NAA40: variants seen among roughly 807,000 people sequenced by gnomAD.
NAA40 encodes the protein N-alpha-acetyltransferase 40.
NAA40 carries 26 observed loss-of-function variants against 36.6 expected under a neutral mutation model. The ratio of observed to expected loss-of-function variants is 0.71; its 90% CI spans 0.52 to 0.98. The LOEUF (loss-of-function observed/expected upper bound fraction) is 0.98. NAA40 is among the 50% of genes least tolerant of loss of function. The pLI, the probability that NAA40 is intolerant of heterozygous loss-of-function variation, is 0.00. For missense variants in NAA40, 237 were observed against 306.5 expected (o/e 0.77, Z 1.69); for synonymous variants, 129 against 108.4 (o/e 1.19, Z -1.18).
At position 63,955,923 on chromosome 11, in the gene NAA40, G is replaced by C. The variant is rs922814431; in HGVS notation, c.*1444G>C. 6.6e-6 allele frequency: 1 copy of C among 152,356 alleles called. No homozygotes were observed. Among genetic ancestry groups the C allele is most frequent in the Non-Finnish European group, 1.5e-5 (1 of 68,116 alleles). The allele number at this position is 152,356 out of a possible 1,614,324, so 9.4% of individuals were successfully genotyped here. A position where few individuals can be genotyped will look rare whatever the true frequency, so the allele number is the denominator to read the frequency against. On this transcript the variant is annotated 3_prime_UTR_variant, in exon 8 of 8. Transcript: ENST00000377793. Reference sequence around the variant, plus strand: ...TAGCCTTCGTGAAGTTGTTCTCGTGGAGGTCTGTTGGTCCCTCTGACCTCA... The same window carrying C: ...TAGCCTTCGTGAAGTTGTTCTCGTGCAGGTCTGTTGGTCCCTCTGACCTCA...
intron 1 of NAA40, chr11:63,939,438 T>G: frequency 9.2e-7 from 1 of 1,090,996 alleles, no homozygotes; most frequent in Non-Finnish European, 1.1e-6. Flanking sequence ...GGGTCACTCA[T>G]CACCTGGCTG....
intron 3 of NAA40, among the ~76,000 whole-genome samples, chr11:63,947,331 C>CG (rs1942204336): frequency 6.6e-6 from 1 of 151,846 alleles, no homozygotes; most frequent in Non-Finnish European, 1.5e-5. Context: ...CACTTGAACC[C>CG]GGGGGGCAGA....
intron 3 of NAA40, among the ~76,000 whole-genome samples, chr11:63,950,782 G>A (rs775114161): frequency 3.3e-5 from 5 of 152,140 alleles, no homozygotes; most frequent in African/African-American, 4.8e-5. Flanking sequence ...TTCATATTCC[G>A]TATTCCCATT....
At chr11:63,948,013 C>T (rs904441496) in intron 3 of NAA40, among the ~76,000 whole-genome samples, 1 of 151,826 alleles carries the variant, frequency 6.6e-6, no homozygotes, top group African/African-American at 2.4e-5. Context: ...AGCCACTGCG[C>T]CCAGCTAATT....
At chr11:63,954,154 G>C in intron 7 of NAA40, 105 bp downstream of exon 7, 1 of 1,381,018 alleles carries the variant, frequency 7.2e-7, no homozygotes, top group Non-Finnish European at 1.0e-6. Flanking sequence ...TCATGGTCCA[G>C]TGGTCCATGG....
Position 63,954,611 on chromosome 11 carries a change from G to A in NAA40, c.*132G>A. 1 of 1,017,762 alleles carries A rather than the reference G, an allele frequency of 9.8e-7. No homozygotes were observed. Among genetic ancestry groups the A allele is most frequent in the Non-Finnish European group, 1.4e-6 (1 of 736,428 alleles). 63.0% of individuals were successfully genotyped at this position (1,017,762 alleles called of 1,614,324 possible). ...GCACGTGCCAGGCTGCGCCCTGAGAGCACAGAACCCTGGGGAGAAGTGGTA... is the reference window on the plus strand; with the variant it reads ...GCACGTGCCAGGCTGCGCCCTGAGAACACAGAACCCTGGGGAGAAGTGGTA... On this transcript the variant is annotated 3_prime_UTR_variant, in exon 8 of 8. Transcript: ENST00000377793.
chr11:63,956,197 C>T lies in NAA40; in HGVS notation c.*1718C>T, dbSNP rs1487118793. The stretch of plus-strand genomic sequence containing the variant: ...GGAATAAGTCTGCCTCTGCCTCTGC[C>T]TCACCCTGCTGGCTCCTGGTGGGTT... On this transcript the variant is annotated 3_prime_UTR_variant, in exon 8 of 8. Coordinates refer to ENST00000377793, the MANE Select transcript of NAA40 (RefSeq NM_024771.4). 1 of 152,750 alleles carries T rather than the reference C, an allele frequency of 6.5e-6. No individual in the cohort carries two copies. The highest frequency in any genetic ancestry group is 2.4e-5 in the African/African-American group (1 of 41,466). 9.5% of individuals were successfully genotyped at this position (152,750 alleles called of 1,614,324 possible). A position where few individuals can be genotyped will look rare whatever the true frequency, so the allele number is the denominator to read the frequency against.
chr11:63,949,965 C>T (rs976725264), intron 3 of NAA40, among the ~76,000 whole-genome samples: 4 of 151,700 alleles, frequency 2.6e-5, no homozygotes, highest in African/African-American at 7.3e-5. Flanking sequence ...AGGATGGTCT[C>T]GATCTCCTGA....
intron 1 of NAA40, among the ~76,000 whole-genome samples, chr11:63,941,870 A>T (rs1296622282): frequency 6.6e-6 from 1 of 151,696 alleles, no homozygotes; most frequent in East Asian, 1.9e-4. Flanking sequence ...TGTTTTTTTT[A>T]ATTTGTCTTT....
Position 63,954,323 on chromosome 11 carries a change from C to G in NAA40, c.573-15C>G. On this transcript the variant is annotated splice_polypyrimidine_tract_variant and intron_variant, in intron 7 of 7. Coordinates refer to ENST00000377793, the MANE Select transcript of NAA40 (RefSeq NM_024771.4). The stretch of plus-strand genomic sequence containing the variant: ...GCTGCCTGCCACCAACCCTTTTCTC[C>G]TGCCTGCCTTGCAGATTTGAAATTG... The G allele has an allele frequency of 6.4e-7, 1 of 1,573,834 alleles. No individual in the cohort carries two copies. Among genetic ancestry groups the G allele is most frequent in the Non-Finnish European group, 8.6e-7 (1 of 1,159,578 alleles).
intron 2 of NAA40, 160 bp from the exon 3 acceptor site, chr11:63,946,791 C>A (rs746299022): frequency 1.3e-6 from 2 of 1,546,624 alleles, no homozygotes; most frequent in Admixed American, 3.9e-5. Context: ...GACTTCAGAG[C>A]TAGGCAAATG....
At chr11:63,946,521 A>T in intron 2 of NAA40, 1 of 1,141,664 alleles carries the variant, frequency 8.8e-7, no homozygotes, top group African/African-American at 1.6e-5. Context: ...TCCATTTAGT[A>T]TCCCATTTTT....
At position 63,947,001 on chromosome 11, in the gene NAA40, C is replaced by T. The variant is rs374448283; in HGVS notation, c.153C>T (p.Asn51=). The T allele has an allele frequency of 2.4e-5, 38 of 1,613,954 alleles. No individual in the cohort carries two copies. The East Asian group carries it at 6.2e-4, about 26-fold the overall frequency. The change falls in exon 3 of 8, where the codon AAC becomes AAT. Residue 51 remains asparagine (N), a splice_region_variant and synonymous_variant. Coordinates refer to ENST00000377793, the MANE Select transcript of NAA40 (RefSeq NM_024771.4). ...AFPVFKKYDR[N]GLNVSIECKR... ...CAGTGTTCAAGAAATATGATAGAAA[C>T]GGGTGAGTCACATTGAGCATTACCA...
At chr11:63,952,870 A>G in intron 6 of NAA40, 31 bp downstream of exon 6, 1 of 1,593,122 alleles carries the variant, frequency 6.3e-7, no homozygotes, top group Non-Finnish European at 8.6e-7. Context: ...AGGCCCATAT[A>G]GCACTCAGTT....
intron 1 of NAA40, 74 bp downstream of exon 1, chr11:63,939,176 C>G (rs1008832789): frequency 4.8e-6 from 5 of 1,044,466 alleles, no homozygotes; most frequent in Non-Finnish European, 6.3e-6. Context: ...TGTTCTTAAA[C>G]CCCCCTCTCA....
intron 1 of NAA40, among the ~76,000 whole-genome samples, chr11:63,944,253 T>C (rs1381302978): frequency 6.6e-6 from 1 of 152,172 alleles, no homozygotes; most frequent in Non-Finnish European, 1.5e-5. Context: ...CTGAGTGTCC[T>C]TTCCTGGGGC....
chr11:63,953,045 C>CT lies in NAA40; in HGVS notation c.494+226dup, dbSNP rs34261976. Reference sequence around the variant, plus strand: ...TTGTTTAGCTCAGTGCAGTGAACATCTTTTTTTTTTTTTTTTTTTTGAGAC... The same window carrying CT: ...TTGTTTAGCTCAGTGCAGTGAACATCTTTTTTTTTTTTTTTTTTTTTGAGAC... On this transcript the variant is annotated intron_variant, in intron 6 of 7. Coordinates refer to ENST00000377793, the MANE Select transcript of NAA40 (RefSeq NM_024771.4). Among the ~76,000 whole-genome samples the CT allele has an allele frequency of 9.2e-4, 98 of 106,830 alleles. 8 individuals are homozygous for CT. The highest frequency in any genetic ancestry group is 6.3e-3 in the Middle Eastern group (1 of 160). 70.1% of individuals were successfully genotyped at this position (106,830 alleles called of 152,430 possible). A position where few individuals can be genotyped will look rare whatever the true frequency, so the allele number is the denominator to read the frequency against.
chr11:63,952,919 C>T, intron 6 of NAA40, 80 bp downstream of exon 6: 2 of 1,297,740 alleles, frequency 1.5e-6, no homozygotes, highest in Non-Finnish European at 2.2e-6. Context: ...ATTCTTTGAG[C>T]CTTGTTGGAG....
chr11:63,952,152 T>C, intron 3 of NAA40, 86 bp from the exon 4 acceptor site: 1 of 1,068,428 alleles, frequency 9.4e-7, no homozygotes, highest in Non-Finnish European at 1.4e-6. Flanking sequence ...GACTGGGCCT[T>C]CCTCCCTGTG....
Sources: gnomAD v4.1 joint callset for allele counts (sites outside exome capture counted in the v4.1 genomes callset) on GRCh38, gnomAD v4.1.1 for gene constraint, MANE v1.5 for transcripts, NCBI Gene and HGNC (gene_info 2026-07-23, HGNC 2026-07-21) for gene names.